ACTR2: variants seen among roughly 807,000 people sequenced by gnomAD.
ACTR2 encodes the protein actin related protein 2.
Under a neutral mutation model 50.2 loss-of-function variants are expected in ACTR2, and 5 were observed. The ratio of observed to expected loss-of-function variants is 0.10; its 90% confidence interval spans 0.05 to 0.21. ACTR2 has a LOEUF of 0.21. Ranked by LOEUF, ACTR2 falls within the 10% of genes least tolerant of loss-of-function variation. ACTR2 has a pLI of 1.00. For synonymous variants in ACTR2, 140 were observed against 162.9 expected, an observed-to-expected ratio of 0.86 and a Z score of 1.07; for missense variants, 180 against 480.6, an observed-to-expected ratio of 0.37 and a Z score of 5.85.
At chr2:65,254,224 A>T (rs182445231) in intron 5 of ACTR2, among the ~76,000 whole-genome samples, 2 of 152,322 alleles carry the variant, frequency 1.3e-5, no homozygotes, top group Non-Finnish European at 2.9e-5. Context: ...CTTTTCTGCC[A>T]TAAAACCTTT....
At position 65,268,877 on chromosome 2, in the gene ACTR2, G is replaced by A. The variant is rs1238110487; in HGVS notation, c.*143G>A. The A allele has an allele frequency of 7.6e-5, 69 of 909,004 alleles. No individual in the cohort carries two copies. Among genetic ancestry groups the A allele is most frequent in the Non-Finnish European group, 1.1e-4 (66 of 606,310 alleles). 56.3% of individuals were successfully genotyped at this position (909,004 alleles called of 1,614,324 possible). ...AGGTCAAGTTTTATTCTGGTGTCTT[G>A]GGGAAGCTTTGTTAAATTTTTGTTA... On this transcript the variant is annotated 3_prime_UTR_variant, in exon 9 of 9. Coordinates refer to ENST00000260641, the MANE Select transcript of ACTR2 (RefSeq NM_005722.4).
chr2:65,228,132 C>G, intron 1 of ACTR2, 175 bp downstream of exon 1: 1 of 507,750 alleles, frequency 2.0e-6, no homozygotes, highest in Non-Finnish European at 3.2e-6. Context: ...CCTGGTCTCC[C>G]TTGAGCCTGC....
intron 6 of ACTR2, among the ~76,000 whole-genome samples, chr2:65,258,653 T>G (rs1266660481): frequency 1.3e-5 from 2 of 151,928 alleles, no homozygotes; most frequent in Non-Finnish European, 2.9e-5. Flanking sequence ...TATACACAAG[T>G]ATAAAGTAAT....
intron 1 of ACTR2, among the ~76,000 whole-genome samples, chr2:65,236,414 C>T (rs1264230823): frequency 6.6e-6 from 1 of 151,798 alleles, no homozygotes; most frequent in Non-Finnish European, 1.5e-5. Context: ...GGTTCATCAG[C>T]GTCATCTCCA....
chr2:65,267,918 G>T (rs1365496947), intron 8 of ACTR2, among the ~76,000 whole-genome samples: 2 of 106,046 alleles, frequency 1.9e-5, no homozygotes, highest in Non-Finnish European at 3.6e-5. Flanking sequence ...CTCACTGCAA[G>T]CTCCACCTCC....
At chr2:65,228,978 G>A (rs1671584393) in intron 1 of ACTR2, among the ~76,000 whole-genome samples, 1 of 152,066 alleles carries the variant, frequency 6.6e-6, no homozygotes, top group Non-Finnish European at 1.5e-5. Flanking sequence ...TACTTGGGAG[G>A]CTGAGGCAGG....
At chr2:65,262,258 GTCAC>G (rs1350634617) in intron 7 of ACTR2, among the ~76,000 whole-genome samples, 10 of 152,040 alleles carry the variant, frequency 6.6e-5, no homozygotes, top group Non-Finnish European at 1.3e-4. Context: ...GAGACGGAAT[GTCAC>G]TCTCTCACCC....
chr2:65,231,049 CACAA>C (rs1671628366), intron 1 of ACTR2, among the ~76,000 whole-genome samples: 1 of 136,502 alleles, frequency 7.3e-6, no homozygotes, highest in African/African-American at 2.9e-5. Context: ...GTGAGACTGT[CACAA>C]AAAAAAAAAA....
At chr2:65,242,254 T>C (rs1671852046) in intron 2 of ACTR2, among the ~76,000 whole-genome samples, 1 of 152,182 alleles carries the variant, frequency 6.6e-6, no homozygotes, top group Admixed American at 6.5e-5. Flanking sequence ...ACTTTCCTGA[T>C]TGCGTACAAT....
At chr2:65,258,663 TAAG>T (rs1001697819) in intron 6 of ACTR2, among the ~76,000 whole-genome samples, 13 of 152,174 alleles carry the variant, frequency 8.5e-5, no homozygotes, top group African/African-American at 3.1e-4. Context: ...TATAAAGTAA[TAAG>T]CTGATGAATA....
At chr2:65,262,938 C>T (rs1672297951) in intron 7 of ACTR2, among the ~76,000 whole-genome samples, 1 of 151,522 alleles carries the variant, frequency 6.6e-6, no homozygotes, top group Non-Finnish European at 1.5e-5. Flanking sequence ...TGCACTCCAG[C>T]CTGGGTGACA....
chr2:65,253,615 C>A, intron 4 of ACTR2, 113 bp from the exon 5 acceptor site: 4 of 1,004,568 alleles, frequency 4.0e-6, no homozygotes, highest in South Asian at 3.1e-5. Context: ...ATAATAAATT[C>A]TGGCTTCTAG....
chr2:65,241,928 C>G, intron 2 of ACTR2: 1 of 1,320,904 alleles, frequency 7.6e-7, no homozygotes, highest in Non-Finnish European at 1.1e-6. Context: ...TGCATCTGAC[C>G]TCAACCTAAT....
Position 65,271,089 on chromosome 2 carries a change from T to A in ACTR2, c.*2355T>A, listed in dbSNP as rs1168877751. ...CAAGACATTAGTCTTACATTTAAAC[T>A]TTTTTCTTTAAAACATGGTTTTGGT... On this transcript the variant is annotated 3_prime_UTR_variant, in exon 9 of 9. Coordinates refer to ENST00000260641, the MANE Select transcript of ACTR2 (RefSeq NM_005722.4). The A allele has an allele frequency of 1.3e-5, 2 of 152,214 alleles. No homozygotes were observed. The highest frequency in any genetic ancestry group is 2.9e-5 in the Non-Finnish European group (2 of 68,040). The allele number at this position is 152,214 out of a possible 1,614,324, so 9.4% of individuals were successfully genotyped here.
intron 2 of ACTR2, chr2:65,242,001 C>T (rs539235105): frequency 6.2e-7 from 1 of 1,602,648 alleles, no homozygotes; most frequent in Non-Finnish European, 8.5e-7. Context: ...TTTTCTGACT[C>T]TTACTTCTAC....
intron 6 of ACTR2, among the ~76,000 whole-genome samples, chr2:65,259,502 G>A (rs1672220697): frequency 6.6e-6 from 1 of 152,112 alleles, no homozygotes; most frequent in Admixed American, 6.5e-5. Flanking sequence ...GCCAAGCCAG[G>A]CAGATCACTT....
chr2:65,238,966 C>T (rs1167553180), intron 1 of ACTR2, among the ~76,000 whole-genome samples: 1 of 151,982 alleles, frequency 6.6e-6, no homozygotes, highest in African/African-American at 2.4e-5. Context: ...GAAACTCCGT[C>T]TCAAAGAAAT....
At chr2:65,235,369 G>C (rs943276747) in intron 1 of ACTR2, among the ~76,000 whole-genome samples, 2 of 152,162 alleles carry the variant, frequency 1.3e-5, no homozygotes, top group African/African-American at 4.8e-5. Context: ...GTGTATTCCA[G>C]TTCATCACTA....
chr2:65,263,934 A>G (rs1050960805), intron 7 of ACTR2, among the ~76,000 whole-genome samples: 3 of 152,180 alleles, frequency 2.0e-5, no homozygotes, highest in African/African-American at 7.2e-5. Flanking sequence ...GGGTGCCTGT[A>G]ATCCCAGCTA....
Sources: gnomAD v4.1 joint callset for allele counts (sites outside exome capture counted in the v4.1 genomes callset) on GRCh38, gnomAD v4.1.1 for gene constraint, MANE v1.5 for transcripts, NCBI Gene and HGNC (gene_info 2026-07-23, HGNC 2026-07-21) for gene names.